Variants in DNER observed in about 807,000 individuals in gnomAD.
DNER encodes delta/notch like EGF repeat containing.
Under a neutral mutation model 78.2 loss-of-function variants are expected in DNER, and 33 were observed. That is an observed-to-expected ratio of 0.42 (90% CI 0.32 to 0.56). The LOEUF (loss-of-function observed/expected upper bound fraction) is 0.56, where lower values mean the gene tolerates loss of function less well. Among genes scored for constraint, DNER ranks in the 20% least tolerant of loss-of-function variants. The pLI, the probability that DNER is intolerant of heterozygous loss-of-function variation, is 0.11. For synonymous variants in DNER, 417 were observed against 384.8 expected (o/e 1.08, Z -0.98); for missense variants, 918 against 975.3 (o/e 0.94, Z 0.78).
intron 10 of DNER, among the ~76,000 whole-genome samples, chr2:229,399,050 T>C (rs1420393242): frequency 6.6e-6 from 1 of 151,962 alleles, no homozygotes; most frequent in Non-Finnish European, 1.5e-5. Context: ...GAACCTAGTG[T>C]TAGAAGTTCT....
At chr2:229,508,379 G>C (rs13410136) in intron 6 of DNER, among the ~76,000 whole-genome samples, 31,324 of 152,016 alleles carry the variant, frequency 0.21, 3,286 homozygotes, top group South Asian at 0.28. Context: ...GCATATCTGT[G>C]CCTGTTCATA....
chr2:229,669,812 A>G (rs1699176963), intron 1 of DNER, among the ~76,000 whole-genome samples: 1 of 152,234 alleles, frequency 6.6e-6, no homozygotes, highest in African/African-American at 2.4e-5. Context: ...AGTAGCTGAG[A>G]CATAGAAAGA....
At chr2:229,596,758 C>A (rs1382672086) in intron 1 of DNER, among the ~76,000 whole-genome samples, 1 of 152,192 alleles carries the variant, frequency 6.6e-6, no homozygotes, top group Non-Finnish European at 1.5e-5. Flanking sequence ...GAGGAATGCA[C>A]AAATAGCATG....
intron 6 of DNER, among the ~76,000 whole-genome samples, chr2:229,485,954 G>T (rs993653260): frequency 1.3e-5 from 2 of 152,146 alleles, no homozygotes; most frequent in Admixed American, 6.5e-5. Flanking sequence ...TCTTTTAATA[G>T]TCTGGCCTGT....
Position 229,512,935 on chromosome 2 carries a change from G to C in DNER, c.995C>G (p.Ala332Gly), listed in dbSNP as rs1418731102. The change falls in exon 6 of 13, where the codon GCA becomes GGA. Residue 332 changes from alanine to glycine, a missense_variant and splice_region_variant. Physicochemically the swap from Ala to Gly is moderately conservative, Grantham distance 60. Coordinates refer to ENST00000341772, the MANE Select transcript of DNER (RefSeq NM_139072.4). ...KGKCTTKPSE[A>G]TFSCTCEEQY... ...CTCCTCACAGGTACAGGAAAAAGTTGCCTAAAACACAAAAAAAGCACAGTG... is the reference window on the plus strand; with the variant it reads ...CTCCTCACAGGTACAGGAAAAAGTTCCCTAAAACACAAAAAAAGCACAGTG... 3 of 1,613,438 alleles carry C rather than the reference G, an allele frequency of 1.9e-6. No individual in the cohort carries two copies. Among genetic ancestry groups the C allele is most frequent in the Non-Finnish European group, 2.5e-6 (3 of 1,179,812 alleles).
intron 11 of DNER, among the ~76,000 whole-genome samples, chr2:229,380,799 C>T (rs1029231479): frequency 7.2e-5 from 11 of 152,050 alleles, no homozygotes; most frequent in African/African-American, 2.2e-4. Flanking sequence ...GTGCCACACA[C>T]CTGTAATCCC....
At chr2:229,633,999 C>T (rs1045917266) in intron 1 of DNER, among the ~76,000 whole-genome samples, 4 of 152,186 alleles carry the variant, frequency 2.6e-5, no homozygotes, top group African/African-American at 9.7e-5. Context: ...CAAGTAAAAA[C>T]ACTGTGAAGA....
In DNER at chr2:229,714,204, C is replaced by A; in HGVS notation, c.220G>T (p.Gly74Cys). The change falls in exon 1 of 13, where the codon GGC (glycine) becomes TGC (cysteine). Residue 74 changes from glycine (G) to cysteine (C), a missense_variant. Gly to Cys is a radical substitution (Grantham distance 159). Transcript: ENST00000341772. The stretch of plus-strand genomic sequence containing the variant: ...CAGGTGCAGCTGTAGCCAGGCTCGC[C>A]GGCGGGGGCCGGGTGCTGCGGGTCC... ...EPDPQHPAPA[G>C]EPGYSCTCPA... 1 of 1,380,934 alleles carries A rather than the reference C, an allele frequency of 7.2e-7. No individual in the cohort carries two copies. The highest frequency in any genetic ancestry group is 1.6e-5 in the South Asian group (1 of 60,718). The allele number at this position is 1,380,934 out of a possible 1,614,324, so 85.5% of individuals were successfully genotyped here. A position where few individuals can be genotyped will look rare whatever the true frequency, so the allele number is the denominator to read the frequency against.
chr2:229,460,649 A>C (rs1247089292), intron 7 of DNER, among the ~76,000 whole-genome samples: 4 of 152,136 alleles, frequency 2.6e-5, no homozygotes, highest in Non-Finnish European at 5.9e-5. Flanking sequence ...TTTGAATATT[A>C]GTTTTTAATA....
At chr2:229,486,244 G>A (rs1011252196) in intron 6 of DNER, among the ~76,000 whole-genome samples, 18 of 151,916 alleles carry the variant, frequency 1.2e-4, no homozygotes, top group African/African-American at 4.4e-4. Flanking sequence ...GCTGGCAGGA[G>A]AAACACAAAC....
At chr2:229,445,375 A>T (rs1057296097) in intron 8 of DNER, among the ~76,000 whole-genome samples, 8 of 152,186 alleles carry the variant, frequency 5.3e-5, no homozygotes, top group Non-Finnish European at 8.8e-5. Flanking sequence ...CCTCATGTCA[A>T]ACACAGTGGA....
intron 3 of DNER, chr2:229,586,992 A>G (rs1402033218): frequency 4.8e-5 from 47 of 985,234 alleles, no homozygotes; most frequent in Middle Eastern, 1.0e-3. Context: ...CGGCACTCCC[A>G]TCTCACTTCG....
At chr2:229,625,868 T>C (rs1361474204) in intron 1 of DNER, among the ~76,000 whole-genome samples, 1 of 151,496 alleles carries the variant, frequency 6.6e-6, no homozygotes, top group Non-Finnish European at 1.5e-5. Flanking sequence ...CCAGAAGGAC[T>C]GTCTACTATG....
chr2:229,522,927 C>G (rs1346700039), intron 5 of DNER, among the ~76,000 whole-genome samples: 2 of 152,170 alleles, frequency 1.3e-5, no homozygotes, highest in Admixed American at 6.5e-5. Context: ...AATGAGGAAA[C>G]AAATCAGACA....
At chr2:229,391,956 G>T (rs1267497503) in intron 10 of DNER, among the ~76,000 whole-genome samples, 2 of 152,086 alleles carry the variant, frequency 1.3e-5, no homozygotes, top group Non-Finnish European at 2.9e-5. Flanking sequence ...TGCTTTCCTT[G>T]GGTAAATTAA....
chr2:229,558,807 AAAAGCTGGGGAG>A (rs1696902495), intron 4 of DNER, among the ~76,000 whole-genome samples: 1 of 152,158 alleles, frequency 6.6e-6, no homozygotes, highest in Admixed American at 6.5e-5. Flanking sequence ...AGCCAGCAAG[AAAAGCTGGGGAG>A]GTCAGTGTGT....
intron 1 of DNER, among the ~76,000 whole-genome samples, chr2:229,668,359 AAATTCAAGCAGCAGCTCCT>A (rs2154216748): frequency 6.6e-6 from 1 of 150,410 alleles, no homozygotes. Flanking sequence ...CGCGTCCCAG[AAATTCAAGCAGCAGCTCCT>A]AATATTTTGA....
At chr2:229,529,303 T>C (rs907427146) in intron 5 of DNER, among the ~76,000 whole-genome samples, 9 of 152,166 alleles carry the variant, frequency 5.9e-5, no homozygotes, top group African/African-American at 2.2e-4. Context: ...TGATGATAAG[T>C]GAGCGGATAC....
chr2:229,442,867 A>G (rs1574845380), intron 8 of DNER, among the ~76,000 whole-genome samples: 1 of 152,338 alleles, frequency 6.6e-6, no homozygotes, highest in East Asian at 1.9e-4. Context: ...ATACAAAAAA[A>G]AAATTACATC....
Sources: gnomAD v4.1 joint callset for allele counts (sites outside exome capture counted in the v4.1 genomes callset) on GRCh38, gnomAD v4.1.1 for gene constraint, MANE v1.5 for transcripts, NCBI Gene and HGNC (gene_info 2026-07-23, HGNC 2026-07-21) for gene names.